RTF1: variants seen among roughly 807,000 people sequenced by gnomAD.
RTF1 encodes the protein RTF1 homolog, Paf1/RNA polymerase II complex component.
Under a neutral mutation model 95.7 loss-of-function variants are expected in RTF1, and 10 were observed. The ratio of observed to expected loss-of-function variants is 0.10; its 90% confidence interval spans 0.06 to 0.18. RTF1 has a LOEUF of 0.18. RTF1 is among the 10% of genes least tolerant of loss of function. The probability of loss-of-function intolerance (pLI) is 1.00; values close to 1 mark genes in which losing one functional copy is unlikely to be tolerated. For synonymous variants in RTF1, 305 were observed against 311.8 expected (o/e 0.98, Z 0.23); for missense variants, 458 against 875.6 (o/e 0.52, Z 6.02).
At position 41,482,476 on chromosome 15, in the gene RTF1, A is replaced by G. The variant is rs746392624; in HGVS notation, c.*1789A>G. On this transcript the variant is annotated 3_prime_UTR_variant, in exon 18 of 18. Coordinates refer to ENST00000389629, the MANE Select transcript of RTF1 (RefSeq NM_015138.5). The stretch of plus-strand genomic sequence containing the variant: ...TTGTAAGTTGTATTTAAACATAAAA[A>G]TGAACTTGGTAACTTCTGGGTTTAG... 6 of 152,532 alleles carry G rather than the reference A, an allele frequency of 3.9e-5. No individual in the cohort carries two copies. The highest frequency in any genetic ancestry group is 7.3e-5 in the Non-Finnish European group (5 of 68,030). 9.4% of individuals were successfully genotyped at this position (152,532 alleles called of 1,614,324 possible). A position where few individuals can be genotyped will look rare whatever the true frequency, so the allele number is the denominator to read the frequency against.
chr15:41,440,939 G>T, intron 2 of RTF1, among the ~76,000 whole-genome samples: 1 of 148,634 alleles, frequency 6.7e-6, no homozygotes, highest in Non-Finnish European at 1.5e-5. Context: ...GAAAAACCTT[G>T]AAATAATTTT....
chr15:41,475,430 G>A (rs1260361834), intron 9 of RTF1, 95 bp from the exon 10 acceptor site: 6 of 900,730 alleles, frequency 6.7e-6, no homozygotes, highest in African/African-American at 3.3e-5. Flanking sequence ...ACTGCAATAG[G>A]TATATATAGG....
intron 3 of RTF1, among the ~76,000 whole-genome samples, chr15:41,454,916 A>T (rs2050805169): frequency 6.6e-6 from 1 of 152,216 alleles, no homozygotes; most frequent in Admixed American, 6.5e-5. Context: ...GCTGCTGTTC[A>T]GATAGACAAA....
intron 1 of RTF1, among the ~76,000 whole-genome samples, chr15:41,423,384 C>T (rs2050612431): frequency 2.0e-5 from 3 of 151,738 alleles, no homozygotes; most frequent in Non-Finnish European, 4.4e-5. Flanking sequence ...CCACCCAGCC[C>T]CCACCCAAGA....
At chr15:41,419,398 C>T (rs920965399) in intron 1 of RTF1, among the ~76,000 whole-genome samples, 1 of 152,260 alleles carries the variant, frequency 6.6e-6, no homozygotes, top group East Asian at 1.9e-4. Flanking sequence ...AGTTAAATAA[C>T]TCACAACTAG....
chr15:41,473,273 A>G (rs1211889584), intron 8 of RTF1, among the ~76,000 whole-genome samples: 3 of 151,652 alleles, frequency 2.0e-5, no homozygotes, highest in Non-Finnish European at 4.4e-5. Flanking sequence ...AGCTGGGACT[A>G]CAGGCGCCCA....
At chr15:41,433,197 G>C (rs565510910) in intron 1 of RTF1, among the ~76,000 whole-genome samples, 35 of 152,104 alleles carry the variant, frequency 2.3e-4, no homozygotes, top group African/African-American at 8.4e-4. Context: ...GCTGTGAGCC[G>C]AGATCACTCC....
chr15:41,417,372 G>A (rs2050576600), intron 1 of RTF1, 59 bp downstream of exon 1: 3 of 1,234,738 alleles, frequency 2.4e-6, no homozygotes, highest in Non-Finnish European at 3.1e-6. Context: ...GGGGCCGCGG[G>A]AGCCGGAGAC....
intron 11 of RTF1, 33 bp from the exon 12 acceptor site, chr15:41,476,413 T>C: frequency 1.3e-6 from 2 of 1,584,128 alleles, no homozygotes; most frequent in Non-Finnish European, 1.7e-6. Context: ...AGCTTAGGAA[T>C]ACCTCACTGC....
At chr15:41,434,578 T>G (rs2050692275) in intron 1 of RTF1, among the ~76,000 whole-genome samples, 1 of 150,736 alleles carries the variant, frequency 6.6e-6, no homozygotes, top group South Asian at 2.1e-4. Flanking sequence ...GTGTAGATGA[T>G]GGGATATGGA....
chr15:41,457,448 G>A (rs1426249717), intron 3 of RTF1, among the ~76,000 whole-genome samples: 1 of 151,892 alleles, frequency 6.6e-6, no homozygotes, highest in African/African-American at 2.4e-5. Flanking sequence ...CAGGAGAATC[G>A]CTTGAACCCG....
intron 2 of RTF1, among the ~76,000 whole-genome samples, chr15:41,445,921 A>G (rs1402839338): frequency 6.6e-6 from 1 of 151,968 alleles, no homozygotes; most frequent in African/African-American, 2.4e-5. Flanking sequence ...TATTTTTAGT[A>G]GAGACGGGGT....
intron 1 of RTF1, among the ~76,000 whole-genome samples, chr15:41,436,979 C>T (rs905021411): frequency 9.7e-5 from 14 of 145,046 alleles, no homozygotes; most frequent in African/African-American, 3.6e-4. Flanking sequence ...CCCAGCTACT[C>T]GGGAGGTTGA....
At chr15:41,467,343 T>A (rs1007148490) in intron 6 of RTF1, among the ~76,000 whole-genome samples, 2 of 152,158 alleles carry the variant, frequency 1.3e-5, no homozygotes, top group African/African-American at 4.8e-5. Context: ...ATTGGCATAG[T>A]GTCACTATGG....
chr15:41,481,619 C>T lies in RTF1; in HGVS notation c.*932C>T, dbSNP rs1595443068. ...ACCAGGGAGGGCAGTGAATGTCTTG[C>T]TCTTCCCATGGGTACAGCCCACAGC... is the stretch of plus-strand genomic sequence containing the variant. On this transcript the variant is annotated 3_prime_UTR_variant, in exon 18 of 18. Transcript: ENST00000389629. 1.3e-5 allele frequency: 2 copies of T among 152,594 alleles called. No homozygotes were observed. The highest frequency in any genetic ancestry group is 1.3e-4 in the Admixed American group (2 of 15,292). 9.5% of individuals were successfully genotyped at this position (152,594 alleles called of 1,614,324 possible). A position where few individuals can be genotyped will look rare whatever the true frequency, so the allele number is the denominator to read the frequency against.
chr15:41,464,006 C>T (rs1449546452), intron 4 of RTF1, among the ~76,000 whole-genome samples: 1 of 151,876 alleles, frequency 6.6e-6, no homozygotes, highest in Non-Finnish European at 1.5e-5. Flanking sequence ...CACATGCCAC[C>T]ATGCCCAGCT....
chr15:41,474,548 C>T lies in RTF1; in HGVS notation c.1204-72C>T, dbSNP rs1054867818. ...AGTTGTCTGCGTTCAGGTAGAGAGA[C>T]GCAAAGGAAGAGTGTTGTGGAAAGC... On this transcript the variant is annotated intron_variant, in intron 8 of 17. Coordinates refer to ENST00000389629, the MANE Select transcript of RTF1 (RefSeq NM_015138.5). 1.3e-5 allele frequency: 14 copies of T among 1,057,108 alleles called. No homozygotes were observed. The African/African-American group carries it at 1.4e-4, about 11-fold the overall frequency. The allele number at this position is 1,057,108 out of a possible 1,614,324, so 65.5% of individuals were successfully genotyped here.
At chr15:41,432,488 C>T (rs551648176) in intron 1 of RTF1, among the ~76,000 whole-genome samples, 7 of 151,728 alleles carry the variant, frequency 4.6e-5, no homozygotes, top group Admixed American at 6.6e-5. Flanking sequence ...TGAGCCACTG[C>T]GCCCGGCCTA....
intron 6 of RTF1, among the ~76,000 whole-genome samples, chr15:41,467,936 AG>A (rs1225768413): frequency 3.3e-5 from 5 of 151,848 alleles, no homozygotes; most frequent in Non-Finnish European, 5.9e-5. Flanking sequence ...AGGTCAGAGC[AG>A]GCAGATCACG....
Sources: gnomAD v4.1 joint callset for allele counts (sites outside exome capture counted in the v4.1 genomes callset) on GRCh38, gnomAD v4.1.1 for gene constraint, MANE v1.5 for transcripts, NCBI Gene and HGNC (gene_info 2026-07-23, HGNC 2026-07-21) for gene names.